Variants in DNAJC6 observed in about 807,000 individuals in gnomAD.
DNAJC6 encodes the protein auxilin.
A neutral mutation model predicts 110.0 loss-of-function variants in DNAJC6; 34 were observed. The ratio of observed to expected loss-of-function variants is 0.31; its 90% CI spans 0.24 to 0.41. DNAJC6 has a LOEUF of 0.41. DNAJC6 is among the 10% of genes least tolerant of loss of function. The pLI is 1.00. For synonymous variants in DNAJC6, 406 were observed against 437.2 expected, an observed-to-expected ratio of 0.93 and a Z score of 0.89; for missense variants, 1,031 against 1,207.8, an observed-to-expected ratio of 0.85 and a Z score of 2.17.
chr1:65,357,935 T>C (rs1001583725), intron 1 of DNAJC6, among the ~76,000 whole-genome samples: 16 of 152,106 alleles, frequency 1.1e-4, no homozygotes, highest in Non-Finnish European at 1.6e-4. Flanking sequence ...TCCCAGCACA[T>C]TGGGAGGCCG....
intron 1 of DNAJC6, among the ~76,000 whole-genome samples, chr1:65,357,724 G>T (rs761025429): frequency 1.6e-4 from 25 of 152,206 alleles, no homozygotes; most frequent in Admixed American, 3.3e-4. Context: ...GGCAGCATTT[G>T]CCTGCCTCTC....
At chr1:65,344,194 G>A (rs993841965) in intron 1 of DNAJC6, among the ~76,000 whole-genome samples, 4 of 152,198 alleles carry the variant, frequency 2.6e-5, no homozygotes, top group Admixed American at 6.5e-5. Context: ...CAGAAGGAAA[G>A]TCACACAGCT....
chr1:65,381,885 A>G (rs1490840841), intron 5 of DNAJC6, among the ~76,000 whole-genome samples: 2 of 152,226 alleles, frequency 1.3e-5, no homozygotes, highest in African/African-American at 4.8e-5. Flanking sequence ...GGTAGGTAGC[A>G]AGATAGTACG....
intron 5 of DNAJC6, among the ~76,000 whole-genome samples, chr1:65,383,378 G>A (rs1645841158): frequency 1.3e-5 from 2 of 151,932 alleles, no homozygotes; most frequent in South Asian, 2.1e-4. Flanking sequence ...GGCTGGTCTC[G>A]ACCTCCTGAG....
intron 1 of DNAJC6, among the ~76,000 whole-genome samples, chr1:65,285,892 A>G (rs1654001651): frequency 1.3e-5 from 2 of 152,028 alleles, no homozygotes; most frequent in African/African-American, 2.4e-5. Context: ...GCTGGTCTTC[A>G]ACTCCTGGCC....
intron 1 of DNAJC6, among the ~76,000 whole-genome samples, chr1:65,324,143 T>G (rs1199993717): frequency 6.6e-6 from 1 of 152,086 alleles, no homozygotes; most frequent in Admixed American, 6.5e-5. Flanking sequence ...ATATCCATTT[T>G]GGGATTGTTC....
At chr1:65,411,489 GT>G in intron 18 of DNAJC6, 63 bp downstream of exon 18, 1 of 1,500,094 alleles carries the variant, frequency 6.7e-7, no homozygotes, top group Non-Finnish European at 9.0e-7. Flanking sequence ...TTATGAGTAT[GT>G]GTTTTACTTT....
intron 4 of DNAJC6, among the ~76,000 whole-genome samples, chr1:65,377,707 T>G (rs1645779390): frequency 6.6e-6 from 1 of 152,208 alleles, no homozygotes; most frequent in Non-Finnish European, 1.5e-5. Context: ...ATGTGTTTGC[T>G]TTTAGACGTC....
chr1:65,369,367 ATT>A (rs1161435999), intron 4 of DNAJC6, among the ~76,000 whole-genome samples: 1 of 152,148 alleles, frequency 6.6e-6, no homozygotes, highest in African/African-American at 2.4e-5. Context: ...CTGTGAATGG[ATT>A]TGCATCTCAT....
chr1:65,293,381 G>T (rs1397315203), intron 1 of DNAJC6, among the ~76,000 whole-genome samples: 2 of 152,068 alleles, frequency 1.3e-5, no homozygotes, highest in Non-Finnish European at 2.9e-5. Context: ...CCCATGATGG[G>T]GGCCCTACCC....
chr1:65,366,716 C>T (rs1398515124), intron 4 of DNAJC6, among the ~76,000 whole-genome samples: 1 of 152,072 alleles, frequency 6.6e-6, no homozygotes, highest in Admixed American at 6.6e-5. Context: ...AATCTGATAT[C>T]GAGCCTGATA....
intron 1 of DNAJC6, among the ~76,000 whole-genome samples, chr1:65,342,003 G>T (rs1645393748): frequency 6.6e-6 from 1 of 152,088 alleles, no homozygotes; most frequent in Admixed American, 6.6e-5. Flanking sequence ...TTCCACTCCT[G>T]GGTATCTGTT....
chr1:65,303,982 A>G (rs746809714), intron 1 of DNAJC6, among the ~76,000 whole-genome samples: 2 of 152,168 alleles, frequency 1.3e-5, no homozygotes, highest in Admixed American at 6.5e-5. Context: ...TGGCCAAAGC[A>G]TGATCAGAAA....
At position 65,342,064 on chromosome 1, in the gene DNAJC6, C is replaced by G. The variant is rs144691488; in HGVS notation, c.194-22571C>G. On this transcript the variant is annotated intron_variant, in intron 1 of 18. Transcript: ENST00000371069. Reference sequence around the variant, plus strand: ...AGAGCAGACATCAGGCCAAGGTCTGCCTTTTTTGTTCTCCAGCAGTGCTTT... The same window carrying G: ...AGAGCAGACATCAGGCCAAGGTCTGGCTTTTTTGTTCTCCAGCAGTGCTTT... Among the ~76,000 whole-genome samples the G allele has an allele frequency of 1.9e-3, 292 of 152,266 alleles. 3 individuals carry two copies. The highest frequency in any genetic ancestry group is 6.3e-3 in the African/African-American group (262 of 41,558).
chr1:65,375,900 G>T (rs1188203414), intron 4 of DNAJC6, among the ~76,000 whole-genome samples: 1 of 152,172 alleles, frequency 6.6e-6, no homozygotes, highest in African/African-American at 2.4e-5. Flanking sequence ...TGCTGGCTTT[G>T]TAGAATGAGT....
chr1:65,308,729 C>T (rs1645067405), upstream of DNAJC6, among the ~76,000 whole-genome samples: 1 of 152,102 alleles, frequency 6.6e-6, no homozygotes, highest in Admixed American at 6.5e-5. Context: ...CCAAGCAGGC[C>T]TTCAAGCTAG....
At chr1:65,333,504 C>A (rs1389163711) in intron 1 of DNAJC6, among the ~76,000 whole-genome samples, 1 of 152,052 alleles carries the variant, frequency 6.6e-6, no homozygotes, top group African/African-American at 2.4e-5. Flanking sequence ...GAGACTGAGG[C>A]TTAAAGGGGT....
intron 1 of DNAJC6, among the ~76,000 whole-genome samples, chr1:65,289,377 A>G (rs1654124114): frequency 6.6e-6 from 1 of 152,058 alleles, no homozygotes; most frequent in South Asian, 2.1e-4. Context: ...TTGTATTTTT[A>G]GTAGAGACGG....
intron 1 of DNAJC6, among the ~76,000 whole-genome samples, chr1:65,310,240 G>T (rs761194930): frequency 3.3e-5 from 5 of 151,098 alleles, no homozygotes; most frequent in African/African-American, 4.9e-5. Context: ...GGGAGGGGTG[G>T]AGAAGAGAGG....
Sources: gnomAD v4.1 joint callset for allele counts (sites outside exome capture counted in the v4.1 genomes callset) on GRCh38, gnomAD v4.1.1 for gene constraint, MANE v1.5 for transcripts, NCBI Gene and HGNC (gene_info 2026-07-23, HGNC 2026-07-21) for gene names.